Variants in KHDRBS2 observed in about 807,000 individuals in gnomAD.
KHDRBS2 encodes KH domain-containing, RNA-binding, signal transduction-associated protein 2.
A neutral mutation model predicts 44.3 loss-of-function variants in KHDRBS2; 26 were observed. That is an observed-to-expected ratio of 0.59 (90% CI 0.43 to 0.81). The LOEUF (loss-of-function observed/expected upper bound fraction) is 0.81. Among genes scored for constraint, KHDRBS2 ranks in the 40% least tolerant of loss-of-function variants. The probability of loss-of-function intolerance (pLI) is 0.00; values close to 1 mark genes in which losing one functional copy is unlikely to be tolerated. For missense variants in KHDRBS2, 476 were observed against 433.1 expected (o/e 1.10, Z -0.88); for synonymous variants, 194 against 151.1 (o/e 1.28, Z -2.08).
chr6:61,570,574 C>T, the KHDRBS2 span, among the ~76,000 whole-genome samples: 4 of 152,028 alleles, frequency 2.6e-5, no homozygotes, highest in Non-Finnish European at 5.9e-5. Context: ...CAAAGAACAC[C>T]TGGCAAATTC....
chr6:61,864,294 T>A (rs1259473988), intron 6 of KHDRBS2, among the ~76,000 whole-genome samples: 1 of 152,188 alleles, frequency 6.6e-6, no homozygotes, highest in African/African-American at 2.4e-5. Flanking sequence ...AGTATTGTTA[T>A]ATGTGGATTT....
At chr6:61,704,410 T>G (rs75457723) in intron 7 of KHDRBS2, among the ~76,000 whole-genome samples, 2 of 151,888 alleles carry the variant, frequency 1.3e-5, no homozygotes, top group Admixed American at 1.3e-4. Context: ...AGGAATTTCC[T>G]GGGTAAGATG....
At chr6:61,659,322 A>G in the KHDRBS2 span, among the ~76,000 whole-genome samples, 7 of 151,902 alleles carry the variant, frequency 4.6e-5, no homozygotes, top group Non-Finnish European at 8.8e-5. Context: ...TATCCTGATA[A>G]TCAAGTACTC....
chr6:61,894,778 G>T lies in KHDRBS2; in HGVS notation c.667C>A (p.Pro223Thr), dbSNP rs1463377443. The T allele has an allele frequency of 1.2e-6, 2 of 1,613,316 alleles. No individual in the cohort carries two copies. The highest frequency in any genetic ancestry group is 1.1e-5 in the South Asian group (1 of 90,902). ...CCACGGGTTACAGTGCTTCCCCGAG[G>T]GGTGAGAACACCTCGTCCAGGTGGT... ...PPPPGRGVLT[P>T]RGSTVTRGAL... The change falls in exon 6 of 9, where the codon CCT becomes ACT. Residue 223 changes from proline (P) to threonine (T), a missense_variant. Physicochemically the swap from Pro to Thr is conservative, Grantham distance 38 (BLOSUM62 -1). Coordinates refer to ENST00000281156, the MANE Select transcript of KHDRBS2 (RefSeq NM_152688.4).
intron 6 of KHDRBS2, among the ~76,000 whole-genome samples, chr6:61,819,998 G>A (rs1443444855): frequency 6.6e-6 from 1 of 151,996 alleles, no homozygotes; most frequent in African/African-American, 2.4e-5. Context: ...TTATTTTCAG[G>A]TAAGGCACAG....
At chr6:62,192,781 G>A (rs1306887595) in intron 1 of KHDRBS2, among the ~76,000 whole-genome samples, 67 of 152,110 alleles carry the variant, frequency 4.4e-4, no homozygotes, top group Admixed American at 4.4e-3. Context: ...ATGTTATAGA[G>A]AGCATCTTAC....
At chr6:61,597,349 A>G in the KHDRBS2 span, among the ~76,000 whole-genome samples, 1 of 152,064 alleles carries the variant, frequency 6.6e-6, no homozygotes, top group Non-Finnish European at 1.5e-5. Flanking sequence ...TGGATATGCA[A>G]TTTAAGGCGG....
At chr6:61,682,550 G>A (rs1172091906) in intron 8 of KHDRBS2, among the ~76,000 whole-genome samples, 1 of 151,870 alleles carries the variant, frequency 6.6e-6, no homozygotes, top group Non-Finnish European at 1.5e-5. Flanking sequence ...ACACAGGCAT[G>A]CTGTTTATTT....
the KHDRBS2 span, among the ~76,000 whole-genome samples, chr6:61,567,791 C>T: frequency 6.6e-6 from 1 of 151,578 alleles, no homozygotes; most frequent in Non-Finnish European, 1.5e-5. Context: ...CTCTTTCTTT[C>T]TTCATCTTTT....
At chr6:61,975,378 T>C (rs1173345271) in intron 4 of KHDRBS2, among the ~76,000 whole-genome samples, 3 of 152,152 alleles carry the variant, frequency 2.0e-5, no homozygotes, top group Non-Finnish European at 1.5e-5. Flanking sequence ...CAAATGTTAA[T>C]GTATAGAAAC....
intron 4 of KHDRBS2, among the ~76,000 whole-genome samples, chr6:61,931,542 G>T (rs1189873633): frequency 2.6e-5 from 4 of 151,856 alleles, no homozygotes; most frequent in Non-Finnish European, 5.9e-5. Flanking sequence ...ATTCAAAGAA[G>T]AATTTAAGTG....
intron 4 of KHDRBS2, among the ~76,000 whole-genome samples, chr6:61,915,783 G>A (rs1167956549): frequency 6.6e-6 from 1 of 152,006 alleles, no homozygotes; most frequent in Non-Finnish European, 1.5e-5. Context: ...CAGCTTTAAT[G>A]TTGATATAGA....
At chr6:62,031,085 C>A (rs1784262533) in intron 3 of KHDRBS2, among the ~76,000 whole-genome samples, 2 of 152,010 alleles carry the variant, frequency 1.3e-5, no homozygotes, top group Admixed American at 1.3e-4. Flanking sequence ...TAGAAGATAG[C>A]AACAGAAAGC....
chr6:61,837,674 C>T (rs894614786), intron 6 of KHDRBS2, among the ~76,000 whole-genome samples: 3 of 152,008 alleles, frequency 2.0e-5, no homozygotes, highest in African/African-American at 7.2e-5. Context: ...CCAGTTACCA[C>T]TTTTGTTGTC....
chr6:62,219,866 A>G (rs1257353880), intron 1 of KHDRBS2, among the ~76,000 whole-genome samples: 1 of 147,734 alleles, frequency 6.8e-6, no homozygotes, highest in Admixed American at 6.8e-5. Flanking sequence ...TTATGTGCAT[A>G]GTTTTATATA....
intron 1 of KHDRBS2, among the ~76,000 whole-genome samples, chr6:62,239,726 C>T (rs893854895): frequency 6.6e-6 from 1 of 152,100 alleles, no homozygotes; most frequent in East Asian, 1.9e-4. Context: ...TGCTCTGTCA[C>T]CTAGGCTGGA....
At chr6:61,778,964 C>A (rs1782516070) in intron 6 of KHDRBS2, among the ~76,000 whole-genome samples, 1 of 152,146 alleles carries the variant, frequency 6.6e-6, no homozygotes, top group Non-Finnish European at 1.5e-5. Flanking sequence ...GGGCATCAGA[C>A]CCATTTCCAC....
chr6:61,603,876 C>T, the KHDRBS2 span, among the ~76,000 whole-genome samples: 1 of 152,064 alleles, frequency 6.6e-6, no homozygotes, highest in Non-Finnish European at 1.5e-5. Context: ...GACATACACC[C>T]CATTTCCCCA....
the KHDRBS2 span, among the ~76,000 whole-genome samples, chr6:61,569,285 G>A: frequency 1.3e-5 from 2 of 152,222 alleles, no homozygotes; most frequent in Non-Finnish European, 2.9e-5. Flanking sequence ...CTTGACCCCA[G>A]CTGATGGTGT....
Sources: allele counts gnomAD v4.1 joint callset (sites outside exome capture counted in the v4.1 genomes callset), GRCh38; gene constraint gnomAD v4.1.1; transcripts MANE v1.5; gene names NCBI Gene and HGNC (gene_info 2026-07-23, HGNC 2026-07-21).